The following PRKAR1B variants were observed in gnomAD, a reference collection of about 807,000 sequenced individuals.
PRKAR1B encodes protein kinase cAMP-dependent type I regulatory subunit beta.
A neutral mutation model predicts 46.5 loss-of-function variants in PRKAR1B; 22 were observed. The ratio of observed to expected loss-of-function variants is 0.47; its 90% CI spans 0.34 to 0.68. The LOEUF is 0.68. PRKAR1B is among the 30% of genes least tolerant of loss of function. The pLI is 0.01. For missense variants in PRKAR1B, 445 were observed against 535.6 expected (o/e 0.83, Z 1.67); for synonymous variants, 259 against 217.7 (o/e 1.19, Z -1.67).
At chr7:585,282 G>A (rs954356833) in intron 7 of PRKAR1B, among the ~76,000 whole-genome samples, 2 of 152,156 alleles carry the variant, frequency 1.3e-5, no homozygotes, top group African/African-American at 4.8e-5. Context: ...GTCAGCTCCA[G>A]CCTGGTGTGC....
chr7:689,608 G>A (rs778280166), intron 2 of PRKAR1B, among the ~76,000 whole-genome samples: 8 of 151,818 alleles, frequency 5.3e-5, no homozygotes, highest in Non-Finnish European at 1.5e-5. Context: ...CTACAACCAT[G>A]CAACAAAAGA....
At chr7:557,950 G>A (rs369437114) in intron 9 of PRKAR1B, among the ~76,000 whole-genome samples, 3 of 151,910 alleles carry the variant, frequency 2.0e-5, no homozygotes, top group Non-Finnish European at 4.4e-5. Context: ...TCCTGCCCTG[G>A]CCGTTGTCCG....
chr7:691,782 A>T lies in PRKAR1B; in HGVS notation c.178-11056T>A. ...CCACAGGGCTCTACAAACACCGGCAATCACCTCCTGCGGAGGACGGCGCAT... is the reference window on the plus strand; with the variant it reads ...CCACAGGGCTCTACAAACACCGGCATTCACCTCCTGCGGAGGACGGCGCAT... On this transcript the variant is annotated intron_variant, in intron 2 of 10. Coordinates refer to ENST00000537384, the MANE Select transcript of PRKAR1B (RefSeq NM_001164760.2). 4 of 1,194,292 alleles carry T rather than the reference A, an allele frequency of 3.3e-6. No individual in the cohort carries two copies. In the South Asian group the frequency reaches 6.1e-5, roughly 18 times the overall value. 74.0% of individuals were successfully genotyped at this position (1,194,292 alleles called of 1,614,324 possible). A position where few individuals can be genotyped will look rare whatever the true frequency, so the allele number is the denominator to read the frequency against.
chr7:668,757 G>A (rs1056614535), intron 4 of PRKAR1B, among the ~76,000 whole-genome samples: 2 of 152,152 alleles, frequency 1.3e-5, no homozygotes, highest in African/African-American at 4.8e-5. Context: ...CACACTCAGG[G>A]TCCAGGCTGG....
At position 582,524 on chromosome 7, in the gene PRKAR1B, T is replaced by C. The variant is rs1227452755; in HGVS notation, c.769+1984A>G. ...GGAGGCCACGGAGAAGCCGGTCACA[T>C]TGCTGGCTGCTGCATTAATCAGAGG... On this transcript the variant is annotated intron_variant, in intron 8 of 10. Transcript: ENST00000537384. Among the ~76,000 whole-genome samples the C allele has an allele frequency of 2.0e-5, 3 of 152,248 alleles. No individual in the cohort carries two copies. In the South Asian group the frequency reaches 6.2e-4, roughly 31 times the overall value.
intron 7 of PRKAR1B, among the ~76,000 whole-genome samples, chr7:592,753 C>T (rs370081480): frequency 2.6e-5 from 4 of 152,328 alleles, no homozygotes; most frequent in South Asian, 4.1e-4. Flanking sequence ...AGGCCGGATA[C>T]GGTGGCTCAC....
intron 6 of PRKAR1B, among the ~76,000 whole-genome samples, chr7:604,000 C>T (rs529036510): frequency 2.0e-5 from 3 of 152,312 alleles, no homozygotes; most frequent in Admixed American, 2.0e-4. Flanking sequence ...CATCCCATAC[C>T]TCCCGCAGAG....
At chr7:557,559 G>A (rs1041459423) in intron 9 of PRKAR1B, among the ~76,000 whole-genome samples, 1 of 152,188 alleles carries the variant, frequency 6.6e-6, no homozygotes, top group Non-Finnish European at 1.5e-5. Context: ...CAGCAGAGGA[G>A]GGAGAAACAG....
At chr7:583,338 C>G (rs1484300276) in intron 8 of PRKAR1B, among the ~76,000 whole-genome samples, 1 of 152,040 alleles carries the variant, frequency 6.6e-6, no homozygotes, top group African/African-American at 2.4e-5. Flanking sequence ...ACACTGCATA[C>G]ACACACGTGC....
At chr7:632,325 C>T (rs549460577) in intron 4 of PRKAR1B, among the ~76,000 whole-genome samples, 4 of 152,146 alleles carry the variant, frequency 2.6e-5, no homozygotes, top group Non-Finnish European at 5.9e-5. Flanking sequence ...CCCACCTCGC[C>T]GAAGCCGGCA....
intron 4 of PRKAR1B, among the ~76,000 whole-genome samples, chr7:663,533 G>A (rs1303478655): frequency 1.3e-5 from 2 of 152,026 alleles, no homozygotes; most frequent in Non-Finnish European, 2.9e-5. Flanking sequence ...CACCGTGCCC[G>A]GCCCATTCAC....
At chr7:726,679 G>T in intron 1 of PRKAR1B, 1 of 1,216,892 alleles carries the variant, frequency 8.2e-7, no homozygotes, top group Middle Eastern at 2.8e-4. Flanking sequence ...GCTGAGAGTC[G>T]CGAAAGCGCT....
chr7:563,291 C>A (rs545800745), intron 9 of PRKAR1B, among the ~76,000 whole-genome samples: 10 of 152,382 alleles, frequency 6.6e-5, no homozygotes, highest in Admixed American at 5.2e-4. Flanking sequence ...ACCCCCTCCA[C>A]GGGATACCCC....
chr7:632,054 T>C (rs1783780312), intron 4 of PRKAR1B, among the ~76,000 whole-genome samples: 1 of 152,110 alleles, frequency 6.6e-6, no homozygotes, highest in Admixed American at 6.5e-5. Context: ...CACAGCTGTG[T>C]GTAGCCCCCA....
chr7:690,034 C>A (rs868712430), intron 2 of PRKAR1B, among the ~76,000 whole-genome samples: 2 of 149,888 alleles, frequency 1.3e-5, no homozygotes, highest in African/African-American at 2.4e-5. Context: ...GGTGGGCTCA[C>A]GTCTGTAATC....
rs1784029661 is a variant in PRKAR1B at position 549,279 on chromosome 7, TCACAGG to T, written c.*1145_*1150del. ...GATGGCTCACAGGTCCACAGGGACG[TCACAGG>T]CACAGGCGGGACACGGCGACGTGGC... On this transcript the variant is annotated 3_prime_UTR_variant, in exon 11 of 11. Transcript: ENST00000537384. The T allele has an allele frequency of 6.6e-6, 1 of 152,170 alleles. No homozygotes were observed. Among genetic ancestry groups the T allele is most frequent in the Admixed American group, 6.5e-5 (1 of 15,276 alleles). The allele number at this position is 152,170 out of a possible 1,614,324, so 9.4% of individuals were successfully genotyped here.
intron 2 of PRKAR1B, among the ~76,000 whole-genome samples, chr7:706,638 A>AC (rs1158444199): frequency 6.8e-6 from 1 of 147,404 alleles, no homozygotes; most frequent in African/African-American, 2.5e-5. Context: ...TGTTAGCCAG[A>AC]ATGGTCTCGA....
intron 2 of PRKAR1B, among the ~76,000 whole-genome samples, chr7:687,605 C>T (rs939648227): frequency 2.6e-5 from 4 of 152,118 alleles, no homozygotes; most frequent in Non-Finnish European, 4.4e-5. Flanking sequence ...TATGTGAATT[C>T]GAGTTCCAGA....
chr7:589,800 G>A (rs900095274), intron 7 of PRKAR1B, among the ~76,000 whole-genome samples: 2 of 152,246 alleles, frequency 1.3e-5, no homozygotes, highest in East Asian at 1.9e-4. Flanking sequence ...ACGGCACCAC[G>A]TCATCATGCT....
Sources: allele counts gnomAD v4.1 joint callset (sites outside exome capture counted in the v4.1 genomes callset), GRCh38; gene constraint gnomAD v4.1.1; transcripts MANE v1.5; gene names NCBI Gene and HGNC (gene_info 2026-07-23, HGNC 2026-07-21).